BIRC6: variants seen among roughly 807,000 people sequenced by gnomAD.
BIRC6 encodes baculoviral IAP repeat containing 6.
A neutral mutation model predicts 503.3 loss-of-function variants in BIRC6; 98 were observed. The observed-to-expected ratio is 0.19, with a 90% CI of 0.17 to 0.23. The LOEUF (loss-of-function observed/expected upper bound fraction) is 0.23, where lower values mean the gene tolerates loss of function less well. BIRC6 is among the 10% of genes least tolerant of loss of function. The pLI is 1.00. For synonymous variants in BIRC6, 2,240 were observed against 2,078.7 expected (o/e 1.08, Z -2.11); for missense variants, 5,360 against 5,806.0 (o/e 0.92, Z 2.50).
In BIRC6 at chr2:32,464,336, G is replaced by A. The variant is rs187848633; in HGVS notation, c.4942-173G>A. ...AAATTTTGTGTTAAACATTTAAAGT[G>A]TATATAGCAAAGCAATGATCCATTT... is the stretch of plus-strand genomic sequence containing the variant. On this transcript the variant is annotated intron_variant, in intron 24 of 73. Transcript: ENST00000421745. Among the ~76,000 whole-genome samples, 19 of 152,286 alleles carry A rather than the reference G, an allele frequency of 1.2e-4. No homozygotes were observed. The East Asian group carries it at 3.5e-3, about 28-fold the overall frequency.
intron 17 of BIRC6, 46 bp from the exon 18 acceptor site, chr2:32,442,016 AGTT>A (rs769661704): frequency 9.7e-6 from 13 of 1,347,028 alleles, no homozygotes; most frequent in East Asian, 2.4e-5. Flanking sequence ...TGATAGCTTT[AGTT>A]GTTCTGTTTT....
At chr2:32,561,925 G>A (rs150151156) in intron 65 of BIRC6, among the ~76,000 whole-genome samples, 15 of 151,580 alleles carry the variant, frequency 9.9e-5, no homozygotes, top group Non-Finnish European at 1.8e-4. Context: ...CCCTGTAATC[G>A]CAGCTACTCG....
At chr2:32,504,816 A>G (rs1262250681) in intron 49 of BIRC6, among the ~76,000 whole-genome samples, 189 bp from the exon 50 acceptor site, 2 of 152,194 alleles carry the variant, frequency 1.3e-5, no homozygotes, top group Admixed American at 6.5e-5. Flanking sequence ...TCACCTTGCC[A>G]GTTGACAGGA....
chr2:32,495,731 G>C (rs1223127874), intron 45 of BIRC6, among the ~76,000 whole-genome samples: 1 of 146,918 alleles, frequency 6.8e-6, no homozygotes, highest in African/African-American at 2.5e-5. Flanking sequence ...TTTTCTTCTA[G>C]AAATTTTACA....
intron 71 of BIRC6, among the ~76,000 whole-genome samples, chr2:32,607,208 CTAT>C (rs1452757078): frequency 3.0e-4 from 46 of 151,340 alleles, no homozygotes; most frequent in Admixed American, 7.9e-4. Flanking sequence ...ATCTTCATAT[CTAT>C]TATTATTCAA....
intron 57 of BIRC6, 101 bp downstream of exon 57, chr2:32,519,047 C>A: frequency 8.7e-7 from 1 of 1,150,316 alleles, no homozygotes; most frequent in Non-Finnish European, 1.2e-6. Context: ...ACTTTGCAAC[C>A]ATTGATGACT....
chr2:32,466,976 G>A (rs1296872137), intron 26 of BIRC6, among the ~76,000 whole-genome samples: 4 of 152,136 alleles, frequency 2.6e-5, no homozygotes, highest in Non-Finnish European at 4.4e-5. Context: ...AAAATTAGCC[G>A]GGCATGGCAG....
intron 65 of BIRC6, chr2:32,558,657 A>G (rs1016811237): frequency 2.0e-5 from 3 of 152,230 alleles, no homozygotes; most frequent in South Asian, 2.1e-4. Context: ...TGCTTACCCT[A>G]CATTGCATCA....
intron 32 of BIRC6, among the ~76,000 whole-genome samples, chr2:32,472,756 G>C (rs141066127): frequency 6.6e-6 from 1 of 152,236 alleles, no homozygotes; most frequent in African/African-American, 2.4e-5. Flanking sequence ...CTGATTAAAA[G>C]CGTCTGTGTT....
chr2:32,401,259 A>G lies in BIRC6; in HGVS notation c.1131A>G (p.Ala377=). ...PLSVTLATSP[A]QFPCTDGTDR... ...CAGTCACTCTTGCAACAAGTCCTGC[A>G]CAGTTTCCTTGTACGGATGGAACTG... is the stretch of plus-strand genomic sequence containing the variant. The change falls in exon 7 of 74, where the codon GCA becomes GCG. Residue 377 remains alanine, a synonymous_variant. Coordinates refer to ENST00000421745, the MANE Select transcript of BIRC6 (RefSeq NM_016252.4). The G allele has an allele frequency of 6.2e-7, 1 of 1,614,068 alleles. No individual in the cohort carries two copies. Among genetic ancestry groups the G allele is most frequent in the South Asian group, 1.1e-5 (1 of 91,090 alleles).
intron 57 of BIRC6, among the ~76,000 whole-genome samples, chr2:32,523,972 ATGT>A: frequency 6.6e-6 from 1 of 151,848 alleles, no homozygotes; most frequent in East Asian, 1.9e-4. Context: ...TGAGCCTGGG[ATGT>A]TGAGGCTGCA....
chr2:32,358,859 G>C (rs1388355102), intron 1 of BIRC6, among the ~76,000 whole-genome samples: 1 of 152,168 alleles, frequency 6.6e-6, no homozygotes, highest in East Asian at 1.9e-4. Flanking sequence ...TAAATGATGG[G>C]GTGGCCCAGA....
chr2:32,407,258 C>T (rs543322079), intron 9 of BIRC6, among the ~76,000 whole-genome samples: 1 of 151,910 alleles, frequency 6.6e-6, no homozygotes, highest in Non-Finnish European at 1.5e-5. Context: ...CCAGCCTGGC[C>T]AACATGGTGA....
rs781767375 is a variant in BIRC6, at chr2:32,545,777, G to A, written c.12727G>A (p.Ala4243Thr). 1 of 1,613,862 alleles carries A rather than the reference G, an allele frequency of 6.2e-7. No individual in the cohort carries two copies. Among genetic ancestry groups the A allele is most frequent in the East Asian group, 2.2e-5 (1 of 44,872 alleles). Residue 4243 changes from alanine (A) to threonine (T), a missense_variant, in exon 63 of 74, where the codon GCC becomes ACC. This residue lies in a region of BIRC6 where 477 missense variants were observed against 574.4 expected (regional missense o/e 0.83). Coordinates refer to ENST00000421745, the MANE Select transcript of BIRC6 (RefSeq NM_016252.4). ...LLRRMALEIG[A>T]LHLILVCLSA... Reference sequence around the variant, plus strand: ...AAGGCGGATGGCATTGGAAATTGGAGCCTTACACCTCATTCTTGTCTGTCT... The same window carrying A: ...AAGGCGGATGGCATTGGAAATTGGAACCTTACACCTCATTCTTGTCTGTCT...
intron 10 of BIRC6, among the ~76,000 whole-genome samples, chr2:32,420,909 T>C (rs2042868656): frequency 6.7e-6 from 1 of 150,240 alleles, no homozygotes; most frequent in Admixed American, 6.7e-5. Context: ...TCCTGCTTCA[T>C]CTGTCTAGAG....
Position 32,426,281 on chromosome 2 carries a change from C to T in BIRC6, c.2873-2865C>T, listed in dbSNP as rs140798123. ...AACTTTGCTCTTGTCTCTCCCCACC[C>T]CATACATTACATTTAAGTATGTTAT... On this transcript the variant is annotated intron_variant, in intron 10 of 73. Transcript: ENST00000421745. Among the ~76,000 whole-genome samples, 3 of 152,308 alleles carry T rather than the reference C, an allele frequency of 2.0e-5. No individual in the cohort carries two copies. The East Asian group carries it at 5.8e-4, about 29-fold the overall frequency.
At chr2:32,409,688 C>A (rs1039522685) in intron 9 of BIRC6, among the ~76,000 whole-genome samples, 5 of 152,022 alleles carry the variant, frequency 3.3e-5, no homozygotes, top group Non-Finnish European at 7.4e-5. Context: ...TAAAAGAGTG[C>A]CTAGATAAAA....
At chr2:32,473,298 A>G (rs2049310504) in intron 33 of BIRC6, 59 bp downstream of exon 33, 3 of 1,354,130 alleles carry the variant, frequency 2.2e-6, no homozygotes, top group South Asian at 2.9e-5. Context: ...TGGAGTTTGC[A>G]TGAGACAGAT....
Position 32,543,388 on chromosome 2 carries a change from G to A in BIRC6, c.12439G>A (p.Val4147Ile). ...AAEPPPIKSA[V>I]QTMSPIPAHS... Reference sequence around the variant, plus strand: ...TGAACCTCCACCTATCAAGTCAGCAGTACAGACCATGTCTCCCATACCTGC... The same window carrying A: ...TGAACCTCCACCTATCAAGTCAGCAATACAGACCATGTCTCCCATACCTGC... The change falls in exon 62 of 74, where the codon GTA becomes ATA. Residue 4147 changes from valine (V) to isoleucine (I), a missense_variant. By Grantham distance (29) the Val-to-Ile change is conservative (BLOSUM62 3). Transcript: ENST00000421745. The A allele has an allele frequency of 1.2e-6, 2 of 1,613,986 alleles. No homozygotes were observed. Among genetic ancestry groups the A allele is most frequent in the Non-Finnish European group, 1.7e-6 (2 of 1,179,884 alleles).
Sources: gnomAD v4.1 joint callset for allele counts (sites outside exome capture counted in the v4.1 genomes callset) on GRCh38, gnomAD v4.1.1 for gene constraint, gnomAD v4.1.1 regional missense constraint, MANE v1.5 for transcripts, NCBI Gene and HGNC (gene_info 2026-07-23, HGNC 2026-07-21) for gene names.